SUCLG2: variants seen among roughly 807,000 people sequenced by gnomAD.
The protein encoded by SUCLG2 is succinate-CoA ligase GDP-forming subunit beta.
In SUCLG2, 42 loss-of-function variants were observed where a neutral mutation model predicts 47.9. The ratio of observed to expected loss-of-function variants is 0.88; its 90% CI spans 0.69 to 1.14. SUCLG2 has a LOEUF of 1.14. SUCLG2 is among the 50% of genes most tolerant of loss of function. The pLI is 0.00. For missense variants in SUCLG2, 571 were observed against 525.9 expected (o/e 1.09, Z -0.84); for synonymous variants, 195 against 197.3 (o/e 0.99, Z 0.10).
intron 9 of SUCLG2, among the ~76,000 whole-genome samples, chr3:67,430,172 T>G (rs1575689957): frequency 6.6e-6 from 1 of 152,314 alleles, no homozygotes; most frequent in East Asian, 1.9e-4. Context: ...CACATTGCAC[T>G]TATTCCAAAA....
intron 1 of SUCLG2, among the ~76,000 whole-genome samples, chr3:67,633,587 T>C (rs1700961466): frequency 6.6e-6 from 1 of 152,212 alleles, no homozygotes; most frequent in African/African-American, 2.4e-5. Context: ...AAAAATTCCA[T>C]AATGAAATGC....
intron 3 of SUCLG2, among the ~76,000 whole-genome samples, chr3:67,528,745 G>A (rs894643727): frequency 1.3e-5 from 2 of 152,184 alleles, no homozygotes; most frequent in Admixed American, 1.3e-4. Context: ...AGATGCCACT[G>A]GTAATGGGGA....
At chr3:67,499,845 C>T (rs1705449518) in intron 7 of SUCLG2, among the ~76,000 whole-genome samples, 1 of 152,062 alleles carries the variant, frequency 6.6e-6, no homozygotes, top group Non-Finnish European at 1.5e-5. Context: ...GATTCTCCTG[C>T]CTCAGTCTCC....
chr3:67,517,332 A>G lies in SUCLG2; in HGVS notation c.660+915T>C, dbSNP rs553991915. Among the ~76,000 whole-genome samples, 98 of 152,344 alleles carry G rather than the reference A, an allele frequency of 6.4e-4. 1 individual carries two copies. Among genetic ancestry groups the G allele is most frequent in the Middle Eastern group, 6.8e-3 (2 of 294 alleles). ...AGACAAGACAGAAAGAAAAGAGTGC[A>G]TCATGTACTGTCTTATGGGAATAGT... On this transcript the variant is annotated intron_variant, in intron 6 of 10. Coordinates refer to ENST00000307227, the MANE Select transcript of SUCLG2 (RefSeq NM_003848.4).
At chr3:67,367,756 C>T (rs1261214736) in intron 10 of SUCLG2, among the ~76,000 whole-genome samples, 1 of 152,056 alleles carries the variant, frequency 6.6e-6, no homozygotes, top group South Asian at 2.1e-4. Flanking sequence ...TAGTTGAGAG[C>T]CACTAATTTA....
intron 2 of SUCLG2, among the ~76,000 whole-genome samples, chr3:67,595,671 A>G (rs1322447635): frequency 6.6e-6 from 1 of 152,190 alleles, no homozygotes; most frequent in East Asian, 1.9e-4. Context: ...TGGGCCTCTT[A>G]GATGATTATT....
chr3:67,512,577 A>G (rs1705824935), intron 6 of SUCLG2, among the ~76,000 whole-genome samples: 1 of 150,876 alleles, frequency 6.6e-6, no homozygotes, highest in South Asian at 2.1e-4. Context: ...ATATATATAT[A>G]TATGTATAAT....
chr3:67,385,707 G>A (rs1175419619), intron 10 of SUCLG2, among the ~76,000 whole-genome samples: 2 of 152,236 alleles, frequency 1.3e-5, no homozygotes, highest in Non-Finnish European at 2.9e-5. Flanking sequence ...AAGCTCACTG[G>A]TGGTCACACA....
chr3:67,363,509 A>G (rs531366917), intron 10 of SUCLG2, among the ~76,000 whole-genome samples: 1 of 152,316 alleles, frequency 6.6e-6, no homozygotes, highest in South Asian at 2.1e-4. Context: ...ATACAGTCTT[A>G]AAAGAAAAAT....
chr3:67,400,673 C>A lies in SUCLG2; in HGVS notation c.1183+58G>T. 2.5e-6 allele frequency: 4 copies of A among 1,593,062 alleles called. No homozygotes were observed. In the East Asian group the frequency reaches 9.0e-5, roughly 36 times the overall value. ...AGGAAGTTTGTGAATCCAGAACATGCTGGTCACCTGACCTTGGAGAAGGGG... is the reference window on the plus strand; with the variant it reads ...AGGAAGTTTGTGAATCCAGAACATGATGGTCACCTGACCTTGGAGAAGGGG... On this transcript the variant is annotated intron_variant, in intron 10 of 10. Coordinates refer to ENST00000307227, the MANE Select transcript of SUCLG2 (RefSeq NM_003848.4).
chr3:67,366,863 C>A (rs1043394257), intron 10 of SUCLG2, among the ~76,000 whole-genome samples: 1 of 152,098 alleles, frequency 6.6e-6, no homozygotes, highest in Non-Finnish European at 1.5e-5. Context: ...TTACACAATG[C>A]CTTTTTCTAA....
chr3:67,434,527 C>T (rs1311440146), intron 9 of SUCLG2, among the ~76,000 whole-genome samples: 3 of 152,032 alleles, frequency 2.0e-5, no homozygotes, highest in Non-Finnish European at 2.9e-5. Flanking sequence ...ACAATAACAA[C>T]AACAACAATA....
Position 67,498,856 on chromosome 3 carries a change from T to C in SUCLG2, c.758-561A>G, listed in dbSNP as rs146337127. Among the ~76,000 whole-genome samples the C allele has an allele frequency of 3.3e-3, 505 of 152,300 alleles. 6 individuals are homozygous for C. The highest frequency in any genetic ancestry group is 0.012 in the African/African-American group (479 of 41,570). On this transcript the variant is annotated intron_variant, in intron 7 of 10. Transcript: ENST00000307227. ...TCCTTAACTAACTCTGTAACATTTA[T>C]TAAAAATAAAAATTGTATACACTTG...
intron 2 of SUCLG2, among the ~76,000 whole-genome samples, chr3:67,584,838 C>G (rs765309817): frequency 3.3e-5 from 5 of 152,112 alleles, no homozygotes; most frequent in Non-Finnish European, 5.9e-5. Flanking sequence ...CTTATAAAAC[C>G]ATCAGATCTC....
At chr3:67,492,742 A>C (rs1403649130) in intron 9 of SUCLG2, among the ~76,000 whole-genome samples, 3 of 152,184 alleles carry the variant, frequency 2.0e-5, no homozygotes, top group Admixed American at 2.0e-4. Flanking sequence ...AGCTTGGTAG[A>C]GGAACTTCAT....
chr3:67,633,791 G>A (rs1474833629), intron 1 of SUCLG2, among the ~76,000 whole-genome samples: 1 of 152,106 alleles, frequency 6.6e-6, no homozygotes, highest in African/African-American at 2.4e-5. Flanking sequence ...TGTGGGTCTC[G>A]CTCAGTGTGG....
At chr3:67,615,783 T>G (rs1474338919) in intron 1 of SUCLG2, among the ~76,000 whole-genome samples, 2 of 152,080 alleles carry the variant, frequency 1.3e-5, no homozygotes, top group Non-Finnish European at 2.9e-5. Flanking sequence ...AGCACCCCCA[T>G]TCTCTGACCT....
chr3:67,593,635 G>A (rs1437424384), intron 2 of SUCLG2, among the ~76,000 whole-genome samples: 1 of 152,080 alleles, frequency 6.6e-6, no homozygotes, highest in Non-Finnish European at 1.5e-5. Context: ...TTCTCCTGCA[G>A]CCCCATTAAT....
At chr3:67,494,288 G>A (rs1705275770) in intron 9 of SUCLG2, among the ~76,000 whole-genome samples, 2 of 151,986 alleles carry the variant, frequency 1.3e-5, no homozygotes, top group African/African-American at 2.4e-5. Context: ...AGATATTTTA[G>A]TAACCAACTC....
Sources: gnomAD v4.1 joint callset for allele counts (sites outside exome capture counted in the v4.1 genomes callset) on GRCh38, gnomAD v4.1.1 for gene constraint, MANE v1.5 for transcripts, NCBI Gene and HGNC (gene_info 2026-07-23, HGNC 2026-07-21) for gene names.